MAPK10: variants seen among roughly 807,000 people sequenced by gnomAD.
MAPK10 encodes the protein JNK3 alpha protein kinase.
Under a neutral mutation model 59.3 loss-of-function variants are expected in MAPK10, and 25 were observed. The observed-to-expected ratio is 0.42, with a 90% confidence interval of 0.31 to 0.59. MAPK10 has a LOEUF of 0.59. Among genes scored for constraint, MAPK10 ranks in the 20% least tolerant of loss-of-function variants. The pLI, the probability that MAPK10 is intolerant of heterozygous loss-of-function variation, is 0.15. For synonymous variants in MAPK10, 190 were observed against 200.5 expected, an observed-to-expected ratio of 0.95 and a Z score of 0.44; for missense variants, 351 against 568.9, an observed-to-expected ratio of 0.62 and a Z score of 3.90.
At chr4:86,279,174 G>A (rs1243710996) in intron 2 of MAPK10, among the ~76,000 whole-genome samples, 2 of 152,132 alleles carry the variant, frequency 1.3e-5, no homozygotes, top group Non-Finnish European at 2.9e-5. Flanking sequence ...AGTTTTGAAA[G>A]TACATAAATT....
At chr4:86,426,645 T>C (rs114684359) in intron 1 of MAPK10, among the ~76,000 whole-genome samples, 35 of 152,312 alleles carry the variant, frequency 2.3e-4, no homozygotes, top group African/African-American at 8.4e-4. Flanking sequence ...ATCAGGAAAG[T>C]TGCATGCTAA....
chr4:86,197,227 T>C (rs1312470988), intron 2 of MAPK10, among the ~76,000 whole-genome samples: 3 of 152,162 alleles, frequency 2.0e-5, no homozygotes, highest in African/African-American at 7.2e-5. Flanking sequence ...TGTCCTCTCT[T>C]ATTTCCTTGA....
At chr4:86,358,401 A>G (rs2148978563) in intron 1 of MAPK10, 1 of 984,616 alleles carries the variant, frequency 1.0e-6, no homozygotes, top group South Asian at 4.7e-5. Flanking sequence ...CCTGAACTGT[A>G]GTCTATCCCA....
At chr4:86,436,378 A>C (rs1263646540) in intron 1 of MAPK10, among the ~76,000 whole-genome samples, 2 of 152,246 alleles carry the variant, frequency 1.3e-5, no homozygotes, top group Admixed American at 1.3e-4. Flanking sequence ...GTTAGAAGCA[A>C]GCATAATGAT....
chr4:86,255,175 C>T (rs7685419), intron 2 of MAPK10, among the ~76,000 whole-genome samples: 27,283 of 151,832 alleles, frequency 0.18, 2,760 homozygotes, highest in African/African-American at 0.27. Flanking sequence ...AATGGAGAAG[C>T]CCTCCTAGCT....
At chr4:86,318,308 G>GT (rs898869073) in intron 2 of MAPK10, among the ~76,000 whole-genome samples, 1 of 152,032 alleles carries the variant, frequency 6.6e-6, no homozygotes, top group African/African-American at 2.4e-5. Context: ...TCTCCAGTGA[G>GT]TTTTCGTTGC....
chr4:86,302,684 A>G (rs913312197), intron 2 of MAPK10, among the ~76,000 whole-genome samples: 1 of 152,212 alleles, frequency 6.6e-6, no homozygotes, highest in African/African-American at 2.4e-5. Flanking sequence ...CTTTGCAAAA[A>G]CATCTGAGTC....
intron 4 of MAPK10, 173 bp downstream of exon 4, chr4:86,159,125 G>T (rs1581537060): frequency 1.7e-5 from 8 of 461,922 alleles, no homozygotes; most frequent in Middle Eastern, 4.3e-4. Flanking sequence ...TTAGCAAGTG[G>T]ATAACAAATT....
intron 1 of MAPK10, among the ~76,000 whole-genome samples, chr4:86,385,732 G>A (rs1395848067): frequency 6.6e-6 from 1 of 152,132 alleles, no homozygotes; most frequent in Non-Finnish European, 1.5e-5. Flanking sequence ...CCCTGTAGAT[G>A]CAAAACCAAA....
chr4:86,255,684 T>C (rs2093676396), intron 2 of MAPK10, among the ~76,000 whole-genome samples: 1 of 146,814 alleles, frequency 6.8e-6, no homozygotes, highest in Non-Finnish European at 1.5e-5. Flanking sequence ...GAAAAGTTTA[T>C]CAAAAGCAAA....
intron 9 of MAPK10, among the ~76,000 whole-genome samples, chr4:86,097,963 C>T (rs1336437020): frequency 6.6e-6 from 1 of 152,030 alleles, no homozygotes; most frequent in Non-Finnish European, 1.5e-5. Flanking sequence ...CTCACCTGAC[C>T]ACTAGCAACT....
chr4:86,372,497 C>A lies in MAPK10; in HGVS notation c.-121-17853G>T, dbSNP rs576853519. 2.8e-4 allele frequency among the ~76,000 whole-genome samples: 38 copies of A among 137,796 alleles called. No individual in the cohort carries two copies. In the South Asian group the frequency reaches 8.5e-3, roughly 31 times the overall value. 90.4% of individuals were successfully genotyped at this position (137,796 alleles called of 152,430 possible). On this transcript the variant is annotated intron_variant, in intron 1 of 13. Transcript: ENST00000361569. Reference sequence around the variant, plus strand: ...ACACCACTGCACTCCAGACTGGCGACAGAGTAAGACTCCATCTCAAACAAA... The same window carrying A: ...ACACCACTGCACTCCAGACTGGCGAAAGAGTAAGACTCCATCTCAAACAAA...
At chr4:86,380,630 AC>A (rs1381278900) in intron 1 of MAPK10, among the ~76,000 whole-genome samples, 2 of 152,268 alleles carry the variant, frequency 1.3e-5, no homozygotes, top group Admixed American at 1.3e-4. Context: ...TTTCCTCAAA[AC>A]AATCTCACAG....
At chr4:86,581,923 AT>A (rs1368816908) in intron 1 of MAPK10, among the ~76,000 whole-genome samples, 3 of 126,286 alleles carry the variant, frequency 2.4e-5, no homozygotes, top group African/African-American at 8.6e-5. Context: ...ATATATATAT[AT>A]ATATATATAT....
chr4:86,018,582 G>A (rs1744554262), intron 13 of MAPK10, among the ~76,000 whole-genome samples: 1 of 152,180 alleles, frequency 6.6e-6, no homozygotes, highest in South Asian at 2.1e-4. Context: ...CAGTAGCTTT[G>A]AGATCAACAA....
At chr4:86,256,332 C>T (rs1250649414) in intron 2 of MAPK10, among the ~76,000 whole-genome samples, 2 of 152,046 alleles carry the variant, frequency 1.3e-5, no homozygotes, top group Admixed American at 6.6e-5. Flanking sequence ...TTTTAATTGC[C>T]CACAGTCAAA....
chr4:86,484,349 C>A (rs1753826101), intron 1 of MAPK10, among the ~76,000 whole-genome samples: 1 of 152,182 alleles, frequency 6.6e-6, no homozygotes, highest in Non-Finnish European at 1.5e-5. Context: ...CTTTAAATAA[C>A]TTGTCCAAGT....
chr4:86,539,797 T>C (rs1480729256), intron 1 of MAPK10, among the ~76,000 whole-genome samples: 1 of 152,210 alleles, frequency 6.6e-6, no homozygotes, highest in Non-Finnish European at 1.5e-5. Context: ...ACTAAAATGC[T>C]TGTCAAATAG....
At chr4:86,381,687 G>T (rs988107364) in intron 1 of MAPK10, among the ~76,000 whole-genome samples, 1 of 152,180 alleles carries the variant, frequency 6.6e-6, no homozygotes, top group African/African-American at 2.4e-5. Context: ...GCTGTCTTCT[G>T]CCAGAACACA....
Sources: allele counts gnomAD v4.1 joint callset (sites outside exome capture counted in the v4.1 genomes callset), GRCh38; gene constraint gnomAD v4.1.1; transcripts MANE v1.5; gene names NCBI Gene and HGNC (gene_info 2026-07-23, HGNC 2026-07-21).